The following ECPAS variants were observed in gnomAD, a reference collection of about 807,000 sequenced individuals.
ECPAS encodes the protein proteasome adapter and scaffold protein ECM29.
A neutral mutation model predicts 255.1 loss-of-function variants in ECPAS; 70 were observed. The observed-to-expected ratio is 0.27, with a 90% CI of 0.23 to 0.33. The LOEUF (loss-of-function observed/expected upper bound fraction) is 0.33. ECPAS is among the 10% of genes least tolerant of loss of function. ECPAS has a pLI of 1.00. For missense variants in ECPAS, 1,817 were observed against 2,206.4 expected, an observed-to-expected ratio of 0.82 and a Z score of 3.54; for synonymous variants, 784 against 775.0, an observed-to-expected ratio of 1.01 and a Z score of -0.19.
At chr9:111,371,006 G>A (rs866828367) in intron 43 of ECPAS, among the ~76,000 whole-genome samples, 1 of 152,128 alleles carries the variant, frequency 6.6e-6, no homozygotes, top group African/African-American at 2.4e-5. Context: ...ATTCGACCCA[G>A]GTCTCACAGA....
chr9:111,424,254 A>G (rs2098218282), intron 12 of ECPAS, among the ~76,000 whole-genome samples: 1 of 152,226 alleles, frequency 6.6e-6, no homozygotes, highest in Non-Finnish European at 1.5e-5. Flanking sequence ...AATACCTACT[A>G]ACGTGCCTTG....
At chr9:111,435,679 C>CTT (rs1163482272) in intron 7 of ECPAS, among the ~76,000 whole-genome samples, 60 of 132,576 alleles carry the variant, frequency 4.5e-4, no homozygotes, top group East Asian at 1.3e-3. Context: ...TTCAGTAAAT[C>CTT]TTTTTTTTTT....
chr9:111,395,838 T>C (rs1178397573), intron 25 of ECPAS, among the ~76,000 whole-genome samples: 1 of 152,150 alleles, frequency 6.6e-6, no homozygotes, highest in African/African-American at 2.4e-5. Context: ...CTTCCTTACC[T>C]CCTTCCTTCT....
At chr9:111,422,323 C>T in intron 13 of ECPAS, 123 bp from the exon 14 acceptor site, 4 of 924,324 alleles carry the variant, frequency 4.3e-6, no homozygotes, top group South Asian at 1.6e-5. Context: ...TCATTACCCG[C>T]TCTGAGAGCC....
At chr9:111,415,793 C>A (rs534474910) in intron 18 of ECPAS, among the ~76,000 whole-genome samples, 1 of 151,756 alleles carries the variant, frequency 6.6e-6, no homozygotes, top group Non-Finnish European at 1.5e-5. Context: ...TTTCATTGAT[C>A]GTTAAAATAG....
chr9:111,442,272 T>C (rs1244205213), intron 5 of ECPAS, 34 bp downstream of exon 5: 5 of 1,395,840 alleles, frequency 3.6e-6, no homozygotes, highest in Non-Finnish European at 4.0e-6. Context: ...TTGACTCCTG[T>C]AGGAGGGAAA....
At position 111,370,579 on chromosome 9, in the gene ECPAS, A is replaced by G. The variant is rs767682905; in HGVS notation, c.4830T>C (p.Ile1610=). 12 of 1,611,088 alleles carry G rather than the reference A, an allele frequency of 7.4e-6. No homozygotes were observed. The highest frequency in any genetic ancestry group is 1.0e-5 in the Non-Finnish European group (12 of 1,178,654). Residue 1610 remains isoleucine, a synonymous_variant, in exon 45 of 50, where the codon ATT becomes ATC. Coordinates refer to ENST00000684092, the MANE Select transcript of ECPAS (RefSeq NM_001364929.1). ...SVPNQPSTNE[I]LQAVLKECSK... ...TACATTCCTTCAGAACAGCTTGAAG[A>G]ATTTCATTTGTGCTGGGTTGATTGG...
At chr9:111,413,776 T>A in intron 20 of ECPAS, 119 bp downstream of exon 20, 1 of 509,030 alleles carries the variant, frequency 2.0e-6, no homozygotes, top group Non-Finnish European at 3.3e-6. Context: ...GATAAGAGAG[T>A]TTTCAAAACG....
chr9:111,440,046 T>TGA (rs1176229925), intron 6 of ECPAS, among the ~76,000 whole-genome samples: 1 of 150,854 alleles, frequency 6.6e-6, no homozygotes, highest in African/African-American at 2.4e-5. Context: ...TTTTTTTTTT[T>TGA]GAGAGAGAGT....
intron 35 of ECPAS, among the ~76,000 whole-genome samples, chr9:111,382,551 A>G (rs2098142060): frequency 6.6e-6 from 1 of 152,160 alleles, no homozygotes; most frequent in South Asian, 2.1e-4. Context: ...TACAGGCACC[A>G]GCCACCAGGC....
intron 38 of ECPAS, 70 bp downstream of exon 38, chr9:111,375,043 G>T: frequency 9.1e-7 from 1 of 1,104,786 alleles, no homozygotes; most frequent in Non-Finnish European, 1.4e-6. Context: ...TTTCAAACAT[G>T]ATGGCTGTTA....
chr9:111,416,307 T>A lies in ECPAS; in HGVS notation c.1729A>T (p.Thr577Ser). 1 of 1,613,764 alleles carries A rather than the reference T, an allele frequency of 6.2e-7. No homozygotes were observed. Among genetic ancestry groups the A allele is most frequent in the Non-Finnish European group, 8.5e-7 (1 of 1,179,706 alleles). The change falls in exon 18 of 50, where the codon ACT becomes TCT. Residue 577 changes from threonine (T) to serine (S), a missense_variant. Physicochemically the swap from Thr to Ser is moderately conservative, Grantham distance 58 (BLOSUM62 1). Coordinates refer to ENST00000684092, the MANE Select transcript of ECPAS (RefSeq NM_001364929.1). ...GCTGCTGGGTTAAATGGAAGGACAG[T>A]GGTCCCGGTCATGTACTTGACTGGA... ...KTPVKYMTGT[T>S]VLPFNPAAFG...
intron 2 of ECPAS, among the ~76,000 whole-genome samples, chr9:111,460,329 A>C (rs1320936613): frequency 1.3e-5 from 2 of 152,192 alleles, no homozygotes; most frequent in Non-Finnish European, 2.9e-5. Context: ...AGAAAAGAGA[A>C]CTTCCTTAAT....
rs2098200290 is a variant in ECPAS, at chr9:111,414,643, C to A, written c.1773G>T (p.Leu591=). The A allele has an allele frequency of 3.7e-6, 6 of 1,610,796 alleles. No homozygotes were observed. Among genetic ancestry groups the A allele is most frequent in the Non-Finnish European group, 5.1e-6 (6 of 1,178,204 alleles). The part of the protein sequence containing the change: ...FNPAAFGEIV[L]YLRMCLAHSA... ...TGTGCGCAAGGCACATGCGCAAGTA[C>A]AGAACGATCTACAAACAGAACGGAG... The change falls in exon 19 of 50, where the codon CTG becomes CTT. Residue 591 remains leucine (L), a synonymous_variant. Coordinates refer to ENST00000684092, the MANE Select transcript of ECPAS (RefSeq NM_001364929.1).
Position 111,363,613 on chromosome 9 carries a change from T to C in ECPAS, c.5355A>G (p.Ile1785Met), listed in dbSNP as rs1392739384. 2 of 1,580,040 alleles carry C rather than the reference T, an allele frequency of 1.3e-6. No individual in the cohort carries two copies. The highest frequency in any genetic ancestry group is 3.6e-5 in the Admixed American group (2 of 55,850). ...SSVRTEALSV[I>M]ELLLKKLEES... ...CTTCAAGTTTTTTAAGCAGCAATTC[T>C]ATCACAGATAAAGCTTCTGTTCTCA... The change falls in exon 49 of 50, where the codon ATA becomes ATG. Residue 1785 changes from isoleucine (I) to methionine (M), a missense_variant. By Grantham distance (10) the Ile-to-Met change is conservative. Coordinates refer to ENST00000684092, the MANE Select transcript of ECPAS (RefSeq NM_001364929.1).
intron 7 of ECPAS, among the ~76,000 whole-genome samples, chr9:111,435,092 T>G (rs1005256488): frequency 1.1e-4 from 17 of 151,346 alleles, no homozygotes; most frequent in Admixed American, 9.2e-4. Context: ...AGAGACGGGG[T>G]CTCACTCTGT....
chr9:111,463,485 G>A (rs944239409), intron 2 of ECPAS, among the ~76,000 whole-genome samples: 1 of 152,116 alleles, frequency 6.6e-6, no homozygotes, highest in South Asian at 2.1e-4. Flanking sequence ...AAATTCCTTT[G>A]GAATATGAAT....
intron 6 of ECPAS, among the ~76,000 whole-genome samples, chr9:111,437,453 G>C (rs1438873908): frequency 1.3e-5 from 2 of 152,182 alleles, no homozygotes; most frequent in Non-Finnish European, 2.9e-5. Context: ...ATGAGGAAAA[G>C]TTTGTTGACA....
Position 111,417,781 on chromosome 9 carries a change from T to A in ECPAS, c.1683+102A>T, listed in dbSNP as rs1000666950. ...AAAGAAAAGAAAAGAAAAAGAAATT[T>A]TATGAGTCAACATCTAGTGATTACA... On this transcript the variant is annotated intron_variant, in intron 17 of 49. Transcript: ENST00000684092. 3 of 1,153,398 alleles carry A rather than the reference T, an allele frequency of 2.6e-6. No individual in the cohort carries two copies. In the African/African-American group the frequency reaches 4.8e-5, roughly 19 times the overall value. 71.4% of individuals were successfully genotyped at this position (1,153,398 alleles called of 1,614,324 possible). A position where few individuals can be genotyped will look rare whatever the true frequency, so the allele number is the denominator to read the frequency against.
Sources: gnomAD v4.1 joint callset for allele counts (sites outside exome capture counted in the v4.1 genomes callset) on GRCh38, gnomAD v4.1.1 for gene constraint, MANE v1.5 for transcripts, NCBI Gene and HGNC (gene_info 2026-07-23, HGNC 2026-07-21) for gene names.